The following STXBP5 variants were observed in gnomAD, a reference collection of about 807,000 sequenced individuals.
The protein encoded by STXBP5 is syntaxin-binding protein 5.
Under a neutral mutation model 152.4 loss-of-function variants are expected in STXBP5, and 50 were observed. The ratio of observed to expected loss-of-function variants is 0.33; its 90% CI spans 0.26 to 0.42. The LOEUF (loss-of-function observed/expected upper bound fraction) is 0.42, where lower values mean the gene tolerates loss of function less well. STXBP5 is among the 10% of genes least tolerant of loss of function. The probability of loss-of-function intolerance (pLI) is 1.00; values close to 1 mark genes in which losing one functional copy is unlikely to be tolerated. For missense variants in STXBP5, 1,167 were observed against 1,388.6 expected, an observed-to-expected ratio of 0.84 and a Z score of 2.54; for synonymous variants, 492 against 494.7, an observed-to-expected ratio of 0.99 and a Z score of 0.07.
At chr6:147,289,016 G>A (rs961354736) in intron 8 of STXBP5, among the ~76,000 whole-genome samples, 2 of 152,118 alleles carry the variant, frequency 1.3e-5, no homozygotes, top group Admixed American at 1.3e-4. Flanking sequence ...TTCCAGTGGA[G>A]TGCCCCCCGA....
intron 4 of STXBP5, among the ~76,000 whole-genome samples, chr6:147,240,544 G>T (rs1185325355): frequency 1.3e-5 from 2 of 152,072 alleles, no homozygotes; most frequent in African/African-American, 2.4e-5. Context: ...AGGAAAAGTT[G>T]ATTTGTTTTC....
Position 147,260,701 on chromosome 6 carries a change from C to T in STXBP5, c.518C>T (p.Ser173Phe). The change falls in exon 5 of 28, where the codon TCC (serine) becomes TTC (phenylalanine). Residue 173 changes from serine (S) to phenylalanine (F), a missense_variant. Coordinates refer to ENST00000321680, the MANE Select transcript of STXBP5 (RefSeq NM_001127715.4). ...RGNIHIVNVE[S>F]FTLSGYVIMW... ...AATATACATATTGTCAATGTGGAGT[C>T]CTTCACACTCTCAGGCTACGTCATT... 1 of 1,613,606 alleles carries T rather than the reference C, an allele frequency of 6.2e-7. No individual in the cohort carries two copies. Among genetic ancestry groups the T allele is most frequent in the Non-Finnish European group, 8.5e-7 (1 of 1,179,706 alleles).
At chr6:147,291,573 A>T (rs1241499269) in intron 9 of STXBP5, among the ~76,000 whole-genome samples, 1 of 152,154 alleles carries the variant, frequency 6.6e-6, no homozygotes, top group Non-Finnish European at 1.5e-5. Flanking sequence ...ATTAAATCTT[A>T]TATGAGTATC....
At chr6:147,206,167 G>T in intron 2 of STXBP5, 99 bp downstream of exon 2, 1 of 989,892 alleles carries the variant, frequency 1.0e-6, no homozygotes. Flanking sequence ...TTTTCCTGTT[G>T]GTGTGATTAG....
chr6:147,234,739 CAT>C (rs1277220288), intron 2 of STXBP5, among the ~76,000 whole-genome samples: 1 of 151,794 alleles, frequency 6.6e-6, no homozygotes, highest in Admixed American at 6.6e-5. Context: ...CAATTAGAAA[CAT>C]AGTTATGTGG....
rs962762296 is a variant in STXBP5 at position 147,385,308 on chromosome 6, G to A, written c.*553G>A. On this transcript the variant is annotated 3_prime_UTR_variant, in exon 28 of 28. Transcript: ENST00000321680. ...TGTTATCATCTCTTTAGACAGATAA[G>A]CTGAATGGTGGGCTTTAAATAATAA... 6.6e-6 allele frequency: 1 copy of A among 152,092 alleles called. No individual in the cohort carries two copies. Among genetic ancestry groups the A allele is most frequent in the African/African-American group, 2.4e-5 (1 of 41,444 alleles). The allele number at this position is 152,092 out of a possible 1,614,324, so 9.4% of individuals were successfully genotyped here. A position where few individuals can be genotyped will look rare whatever the true frequency, so the allele number is the denominator to read the frequency against.
chr6:147,259,328 T>G (rs982528613), intron 4 of STXBP5, among the ~76,000 whole-genome samples: 6 of 152,150 alleles, frequency 3.9e-5, no homozygotes, highest in Non-Finnish European at 8.8e-5. Flanking sequence ...ATAGCTAATA[T>G]TGAGAAAGTG....
intron 9 of STXBP5, among the ~76,000 whole-genome samples, chr6:147,307,864 C>T (rs943881908): frequency 1.3e-5 from 2 of 152,090 alleles, no homozygotes; most frequent in African/African-American, 2.4e-5. Context: ...ACTTGCCTTC[C>T]GAGGATAAAC....
Position 147,389,579 on chromosome 6 carries a change from A to G in STXBP5, c.*4824A>G, listed in dbSNP as rs1786496849. The stretch of plus-strand genomic sequence containing the variant: ...CTTATCGTTTAAAATTTTATAGTGT[A>G]TGACATGTAAATAAACCAGTATTTA... On this transcript the variant is annotated 3_prime_UTR_variant, in exon 28 of 28. Coordinates refer to ENST00000321680, the MANE Select transcript of STXBP5 (RefSeq NM_001127715.4). 1 of 151,906 alleles carries G rather than the reference A, an allele frequency of 6.6e-6. No homozygotes were observed. Among genetic ancestry groups the G allele is most frequent in the Non-Finnish European group, 1.5e-5 (1 of 67,818 alleles). The allele number at this position is 151,906 out of a possible 1,614,324, so 9.4% of individuals were successfully genotyped here.
intron 18 of STXBP5, among the ~76,000 whole-genome samples, chr6:147,331,204 A>T (rs1475609375): frequency 6.6e-6 from 1 of 152,230 alleles, no homozygotes; most frequent in Non-Finnish European, 1.5e-5. Context: ...AGATATGCTT[A>T]TAAGAAGGGT....
At chr6:147,235,112 C>T in intron 2 of STXBP5, 138 bp from the exon 3 acceptor site, 2 of 658,690 alleles carry the variant, frequency 3.0e-6, no homozygotes, top group Admixed American at 3.0e-5. Context: ...TGTAACAAAC[C>T]TAACTCTAAA....
In STXBP5 at chr6:147,385,625, G is replaced by T. The variant is rs1786301301; in HGVS notation, c.*870G>T. 1 of 151,986 alleles carries T rather than the reference G, an allele frequency of 6.6e-6. No individual in the cohort carries two copies. The highest frequency in any genetic ancestry group is 2.4e-5 in the African/African-American group (1 of 41,394). The allele number at this position is 151,986 out of a possible 1,614,324, so 9.4% of individuals were successfully genotyped here. ...GGTGGATTTGACCAAAATAATGCTG[G>T]TTAAATTTGTAGAAATGTTGAAATT... On this transcript the variant is annotated 3_prime_UTR_variant, in exon 28 of 28. Transcript: ENST00000321680.
At chr6:147,270,725 A>G (rs1780124081) in intron 7 of STXBP5, among the ~76,000 whole-genome samples, 1 of 152,182 alleles carries the variant, frequency 6.6e-6, no homozygotes, top group South Asian at 2.1e-4. Context: ...TGGTAGATAT[A>G]AAAACTTTCT....
chr6:147,277,466 G>A (rs1182659448), intron 7 of STXBP5, among the ~76,000 whole-genome samples: 1 of 151,980 alleles, frequency 6.6e-6, no homozygotes, highest in South Asian at 2.1e-4. Context: ...AAAAATGAGG[G>A]GTATCATACT....
intron 4 of STXBP5, among the ~76,000 whole-genome samples, chr6:147,242,450 A>T (rs1208684734): frequency 1.3e-5 from 2 of 152,166 alleles, no homozygotes; most frequent in African/African-American, 4.8e-5. Context: ...ACTAGGGTAC[A>T]GTAATGTCCT....
At chr6:147,306,995 A>G (rs184234509) in intron 9 of STXBP5, among the ~76,000 whole-genome samples, 184 of 152,336 alleles carry the variant, frequency 1.2e-3, no homozygotes, top group Non-Finnish European at 1.9e-3. Context: ...ACTTCAGTGA[A>G]TGAATATGTA....
intron 8 of STXBP5, among the ~76,000 whole-genome samples, chr6:147,287,979 A>C (rs1781074222): frequency 6.6e-6 from 1 of 151,624 alleles, no homozygotes; most frequent in African/African-American, 2.4e-5. Context: ...CTGTTTGCTC[A>C]GGATCTCAAA....
chr6:147,288,379 A>G (rs1781102058), intron 8 of STXBP5, among the ~76,000 whole-genome samples: 3 of 152,134 alleles, frequency 2.0e-5, no homozygotes, highest in South Asian at 4.1e-4. Context: ...CTGCATTTTC[A>G]TGGCTAGCCT....
rs7770137 is a variant in STXBP5, at chr6:147,341,286, A to G, written c.2254+1902A>G. ...TGCTATTGAAAAACATAAAATGTCA[A>G]TGAAACATTGGAAAAAAACTCATAG... On this transcript the variant is annotated intron_variant, in intron 21 of 27. Transcript: ENST00000321680. 8.2e-3 allele frequency among the ~76,000 whole-genome samples: 1,247 copies of G among 152,280 alleles called. 20 individuals are homozygous for G. Among genetic ancestry groups the G allele is most frequent in the African/African-American group, 0.029 (1,196 of 41,568 alleles).
Sources: allele counts gnomAD v4.1 joint callset (sites outside exome capture counted in the v4.1 genomes callset), GRCh38; gene constraint gnomAD v4.1.1; transcripts MANE v1.5; gene names NCBI Gene and HGNC (gene_info 2026-07-23, HGNC 2026-07-21).